Variants in MCM8 observed in about 807,000 individuals in gnomAD.
MCM8 encodes minichromosome maintenance 8 homologous recombination repair factor.
Under a neutral mutation model 98.9 loss-of-function variants are expected in MCM8, and 85 were observed. The ratio of observed to expected loss-of-function variants is 0.86; its 90% confidence interval spans 0.72 to 1.03. The LOEUF is 1.03. Ranked by LOEUF, MCM8 falls within the 50% of genes least tolerant of loss-of-function variation. The pLI is 0.00. For synonymous variants in MCM8, 352 were observed against 338.6 expected, an observed-to-expected ratio of 1.04 and a Z score of -0.44; for missense variants, 951 against 997.8, an observed-to-expected ratio of 0.95 and a Z score of 0.63.
intron 10 of MCM8, among the ~76,000 whole-genome samples, chr20:5,969,903 GT>G (rs1466707424): frequency 6.6e-6 from 1 of 152,146 alleles, no homozygotes; most frequent in African/African-American, 2.4e-5. Context: ...CCTCTTAACA[GT>G]TGTAAATTAA....
intron 13 of MCM8, among the ~76,000 whole-genome samples, chr20:5,979,061 G>A (rs894187314): frequency 6.6e-6 from 1 of 152,212 alleles, no homozygotes; most frequent in South Asian, 2.1e-4. Context: ...GTGTCAGGCA[G>A]TGTCCAGATT....
chr20:5,952,668 GT>G, intron 3 of MCM8, 140 bp downstream of exon 3: 1 of 723,428 alleles, frequency 1.4e-6, no homozygotes, highest in Non-Finnish European at 2.3e-6. Flanking sequence ...ATTAAATGAT[GT>G]TTATGTTTCA....
Position 5,985,110 on chromosome 20 carries a change from T to C in MCM8, c.1953+110T>C, listed in dbSNP as rs534805287. 36 of 797,802 alleles carry C rather than the reference T, an allele frequency of 4.5e-5. No individual in the cohort carries two copies. In the East Asian group the frequency reaches 9.3e-4, roughly 21 times the overall value. The allele number at this position is 797,802 out of a possible 1,614,324, so 49.4% of individuals were successfully genotyped here. On this transcript the variant is annotated intron_variant, in intron 15 of 18. Coordinates refer to ENST00000610722, the MANE Select transcript of MCM8 (RefSeq NM_032485.6). The stretch of plus-strand genomic sequence containing the variant: ...ACAAACTTTTTTTTTACCAGAACTT[T>C]TTAATATTTCCATACTAGAGTTTAC...
chr20:5,989,148 G>C (rs987505423), intron 17 of MCM8, among the ~76,000 whole-genome samples: 3 of 117,746 alleles, frequency 2.5e-5, no homozygotes, highest in African/African-American at 8.6e-5. Flanking sequence ...AGACAGTCTG[G>C]CTCTGTCGCC....
chr20:5,969,014 G>C (rs2089341579), intron 10 of MCM8, among the ~76,000 whole-genome samples: 2 of 152,162 alleles, frequency 1.3e-5, no homozygotes, highest in Admixed American at 6.5e-5. Flanking sequence ...CCTGCTTTGG[G>C]CATTTACTTC....
chr20:5,995,772 A>G lies in MCM8; in HGVS notation c.*1381A>G, dbSNP rs1375778334. The G allele has an allele frequency of 1.3e-5, 2 of 152,248 alleles. No individual in the cohort carries two copies. The highest frequency in any genetic ancestry group is 2.1e-4 in the South Asian group (1 of 4,836). 9.4% of individuals were successfully genotyped at this position (152,248 alleles called of 1,614,324 possible). Reference sequence around the variant, plus strand: ...AAACTATCAATCATGTATAAATCCAACAAACACTTTGTAACATACAAGAAC... The same window carrying G: ...AAACTATCAATCATGTATAAATCCAGCAAACACTTTGTAACATACAAGAAC... On this transcript the variant is annotated 3_prime_UTR_variant, in exon 19 of 19. Transcript: ENST00000610722.
chr20:5,967,716 CT>C, intron 9 of MCM8, 113 bp from the exon 10 acceptor site: 1 of 1,365,000 alleles, frequency 7.3e-7, no homozygotes, highest in Non-Finnish European at 1.0e-6. Context: ...GAAACATTCC[CT>C]TTTAAAAAAA....
intron 11 of MCM8, chr20:5,972,610 A>G: frequency 2.2e-6 from 1 of 462,418 alleles, no homozygotes; most frequent in Non-Finnish European, 4.2e-6. Flanking sequence ...GCTAGAGTAC[A>G]GTGGTGCGAT....
chr20:5,986,069 C>G lies in MCM8; in HGVS notation c.2101C>G (p.Gln701Glu), dbSNP rs924866492. 5 of 1,614,038 alleles carry G rather than the reference C, an allele frequency of 3.1e-6. No individual in the cohort carries two copies. The highest frequency in any genetic ancestry group is 1.3e-5 in the African/African-American group (1 of 74,906). ...DFYLELRKQS[Q>E]RLNSSPITTR... ...TTACCTTGAGCTCCGGAAACAGAGC[C>G]AGAGGTTAAATAGCTCACCAATCAC... The change falls in exon 16 of 19, where the codon CAG becomes GAG. Residue 701 changes from glutamine (Q) to glutamate (E), a missense_variant. Coordinates refer to ENST00000610722, the MANE Select transcript of MCM8 (RefSeq NM_032485.6).
chr20:5,956,606 C>G (rs2088988466), intron 5 of MCM8, among the ~76,000 whole-genome samples: 1 of 152,076 alleles, frequency 6.6e-6, no homozygotes, highest in Non-Finnish European at 1.5e-5. Context: ...GTTGGTCGGG[C>G]TGGTCTCAAA....
At chr20:5,966,962 G>A (rs6117019) in intron 8 of MCM8, among the ~76,000 whole-genome samples, 7,344 of 152,106 alleles carry the variant, frequency 0.048, 301 homozygotes, top group African/African-American at 0.11. Flanking sequence ...CTTGTCTTTC[G>A]GTTGATTACT....
intron 10 of MCM8, among the ~76,000 whole-genome samples, chr20:5,971,497 T>C (rs751553146): frequency 1.3e-5 from 2 of 152,246 alleles, no homozygotes; most frequent in African/African-American, 2.4e-5. Context: ...TTCTGGACTT[T>C]CTGGTTCTAC....
intron 15 of MCM8, among the ~76,000 whole-genome samples, chr20:5,985,331 C>G (rs1447996251): frequency 6.6e-6 from 1 of 150,988 alleles, no homozygotes; most frequent in Non-Finnish European, 1.5e-5. Flanking sequence ...GTAATCCCAG[C>G]TACTTGGGAG....
In MCM8 at chr20:5,993,571, G is replaced by C; in HGVS notation, c.2306G>C (p.Gly769Ala). ...LDFERSQHGS[G>A]MSNRSTAKRF... ...TTTGAGCGATCCCAGCATGGTTCTG[G>C]AATGAGCAACAGGTCAACAGCGAAA... Residue 769 changes from glycine to alanine, a missense_variant, in exon 18 of 19, where the codon GGA becomes GCA. Coordinates refer to ENST00000610722, the MANE Select transcript of MCM8 (RefSeq NM_032485.6). The C allele has an allele frequency of 1.2e-6, 2 of 1,611,764 alleles. No homozygotes were observed. Among genetic ancestry groups the C allele is most frequent in the African/African-American group, 1.3e-5 (1 of 75,032 alleles).
At position 5,970,568 on chromosome 20, in the gene MCM8, A is replaced by G. The variant is rs7261281; in HGVS notation, c.1224-1439A>G. ...TCTGGCCTGCCCATCCTGCCTGCCA[A>G]TGATGCTTGTGTGGCCATAGAAAGG... On this transcript the variant is annotated intron_variant, in intron 10 of 18. Coordinates refer to ENST00000610722, the MANE Select transcript of MCM8 (RefSeq NM_032485.6). Among the ~76,000 whole-genome samples, 1,089 of 152,314 alleles carry G rather than the reference A, an allele frequency of 7.1e-3. 12 individuals are homozygous for G. Among genetic ancestry groups the G allele is most frequent in the African/African-American group, 0.024 (1,001 of 41,574 alleles).
At position 5,996,003 on chromosome 20, in the gene MCM8, A is replaced by T. The variant is rs1017312888; in HGVS notation, c.*1612A>T. ...GAAAAATCAGGAATCAAAAGGGGCC[A>T]GGTGCAGTGGCTCACATCTATAATC... On this transcript the variant is annotated 3_prime_UTR_variant, in exon 19 of 19. Transcript: ENST00000610722. 6.6e-6 allele frequency: 1 copy of T among 152,318 alleles called. No homozygotes were observed. Among genetic ancestry groups the T allele is most frequent in the African/African-American group, 2.4e-5 (1 of 41,480 alleles). The allele number at this position is 152,318 out of a possible 1,614,324, so 9.4% of individuals were successfully genotyped here.
At chr20:5,954,769 A>C in intron 4 of MCM8, 79 bp downstream of exon 4, 1 of 846,072 alleles carries the variant, frequency 1.2e-6, no homozygotes. Context: ...TTATGATCGT[A>C]GGCACTGGAG....
At chr20:5,972,642 C>A (rs375031243) in intron 11 of MCM8, 2 of 643,546 alleles carry the variant, frequency 3.1e-6, no homozygotes, top group Non-Finnish European at 2.5e-6. Context: ...GCAACCTCCA[C>A]CTCCCAAGTT....
At chr20:5,962,928 G>T (rs1411353153) in intron 7 of MCM8, among the ~76,000 whole-genome samples, 1 of 152,190 alleles carries the variant, frequency 6.6e-6, no homozygotes, top group Non-Finnish European at 1.5e-5. Flanking sequence ...TTGGCATTGG[G>T]CATGTGGGAC....
Sources: allele counts gnomAD v4.1 joint callset (sites outside exome capture counted in the v4.1 genomes callset), GRCh38; gene constraint gnomAD v4.1.1; transcripts MANE v1.5; gene names NCBI Gene and HGNC (gene_info 2026-07-23, HGNC 2026-07-21).